Variants in CACNA1S observed in about 807,000 individuals in gnomAD.
CACNA1S encodes calcium voltage-gated channel subunit alpha1 S, also known as voltage-dependent L-type calcium channel subunit alpha-1S.
In CACNA1S, 126 loss-of-function variants were observed where a neutral mutation model predicts 207.4. The observed-to-expected ratio is 0.61, with a 90% confidence interval of 0.53 to 0.70. CACNA1S has a LOEUF of 0.70. Among genes scored for constraint, CACNA1S ranks in the 30% least tolerant of loss-of-function variants. CACNA1S has a pLI of 0.00. For missense variants in CACNA1S, 2,349 were observed against 2,422.8 expected (o/e 0.97, Z 0.64); for synonymous variants, 960 against 932.7 (o/e 1.03, Z -0.53).
rs548502564 is a variant in CACNA1S, at chr1:201,066,519, C to G, written c.2658-203G>C. ...CCACCCCTGCTATCTGGACCATGCT[C>G]TCATGGGTGTGTCATGAAGCAGAAG... On this transcript the variant is annotated intron_variant, in intron 20 of 43. Coordinates refer to ENST00000362061, the MANE Select transcript of CACNA1S (RefSeq NM_000069.3). This position sits in a 1 kb window ranked among gnomAD's most constrained non-coding sequence, Gnocchi z 4.3. 2.0e-5 allele frequency among the ~76,000 whole-genome samples: 3 copies of G among 152,310 alleles called. No homozygotes were observed. Among genetic ancestry groups the G allele is most frequent in the African/African-American group, 4.8e-5 (2 of 41,562 alleles).
intron 24 of CACNA1S, 136 bp downstream of exon 24, chr1:201,061,808 C>T (rs1313940687): frequency 3.0e-6 from 3 of 1,014,728 alleles, no homozygotes; most frequent in East Asian, 2.5e-5. Context: ...ACCATCAAAC[C>T]ATCAGAGAGT....
At chr1:201,050,358 G>T in intron 34 of CACNA1S, 31 bp downstream of exon 34, 1 of 1,613,090 alleles carries the variant, frequency 6.2e-7, no homozygotes, top group Non-Finnish European at 8.5e-7. Flanking sequence ...AGGATGGAGG[G>T]CCCAGCACAG....
At position 201,103,803 on chromosome 1, in the gene CACNA1S, C is replaced by T. The variant is rs115779424; in HGVS notation, c.258+6361G>A. 2.3e-3 allele frequency among the ~76,000 whole-genome samples: 350 copies of T among 152,276 alleles called. 1 individual carries two copies. Among genetic ancestry groups the T allele is most frequent in the African/African-American group, 8.2e-3 (340 of 41,552 alleles). On this transcript the variant is annotated intron_variant, in intron 2 of 43. Coordinates refer to ENST00000362061, the MANE Select transcript of CACNA1S (RefSeq NM_000069.3). ...CAAGAGTTGGCGAGCGCATTCCAGA[C>T]CCTATAAAAAGACAAACGCCCTGGC...
chr1:201,062,549 A>G, intron 22 of CACNA1S, 35 bp from the exon 23 acceptor site: 1 of 1,591,014 alleles, frequency 6.3e-7, no homozygotes, highest in Non-Finnish European at 8.6e-7. Flanking sequence ...GGAGGGAGGC[A>G]TGTTGTCATG....
At position 201,093,741 on chromosome 1, in the gene CACNA1S, C is replaced by T. The variant is rs1572063899; in HGVS notation, c.398+141G>A. On this transcript the variant is annotated intron_variant, in intron 3 of 43. Transcript: ENST00000362061. ...ATGGACAGCTCCCTTGCTGGGCCGGCCTCTAACAGAGGCTGCTCCATGCAG... is the reference window on the plus strand; with the variant it reads ...ATGGACAGCTCCCTTGCTGGGCCGGTCTCTAACAGAGGCTGCTCCATGCAG... The T allele has an allele frequency of 6.7e-6, 7 of 1,037,084 alleles. No individual in the cohort carries two copies. In the East Asian group the frequency reaches 1.7e-4, roughly 26 times the overall value. 64.2% of individuals were successfully genotyped at this position (1,037,084 alleles called of 1,614,324 possible).
intron 9 of CACNA1S, among the ~76,000 whole-genome samples, chr1:201,083,967 T>C (rs1008831628): frequency 5.3e-5 from 8 of 152,156 alleles, no homozygotes; most frequent in Non-Finnish European, 1.2e-4. Context: ...TCCACAACTG[T>C]TCCCTGCAGC....
At chr1:201,047,034 C>A (rs551130075) in intron 38 of CACNA1S, 81 bp downstream of exon 38, 1 of 1,583,600 alleles carries the variant, frequency 6.3e-7, no homozygotes, top group African/African-American at 1.3e-5. Context: ...ATTGGCCCCT[C>A]AAGGACATGG....
Position 201,078,087 on chromosome 1 carries a change from G to T in CACNA1S, c.1411C>A (p.Leu471Met), listed in dbSNP as rs146389514. 1.9e-6 allele frequency: 3 copies of T among 1,614,028 alleles called. No individual in the cohort carries two copies. Among genetic ancestry groups the T allele is most frequent in the Non-Finnish European group, 1.7e-6 (2 of 1,179,962 alleles). ...ATCTCAGTGGTGAAGAGGGACAGCAGCACCCGGTTGGCAATGTCTGTAGGG... is the reference window on the plus strand; with the variant it reads ...ATCTCAGTGGTGAAGAGGGACAGCATCACCCGGTTGGCAATGTCTGTAGGG... Reference protein sequence around the residue: ...TRLQDIANRVLLSLFTTEMLM... With the variant: ...TRLQDIANRVMLSLFTTEMLM... The change falls in exon 11 of 44, where the codon CTG becomes ATG. Residue 471 changes from leucine to methionine, a missense_variant. Coordinates refer to ENST00000362061, the MANE Select transcript of CACNA1S (RefSeq NM_000069.3).
intron 27 of CACNA1S, 45 bp downstream of exon 27, chr1:201,059,144 C>T (rs1660954053): frequency 1.6e-6 from 2 of 1,281,206 alleles, no homozygotes; most frequent in Non-Finnish European, 2.3e-6. Context: ...AGGTCCCACC[C>T]ACCAGCCCCA....
intron 1 of CACNA1S, 123 bp from the exon 2 acceptor site, chr1:201,110,392 G>C: frequency 2.4e-6 from 2 of 835,474 alleles, no homozygotes; most frequent in Non-Finnish European, 4.1e-6. Context: ...CAGGCTCATG[G>C]ACGCTCGCCC....
At chr1:201,109,196 C>T (rs1011075675) in intron 2 of CACNA1S, among the ~76,000 whole-genome samples, 7 of 148,806 alleles carry the variant, frequency 4.7e-5, no homozygotes, top group Non-Finnish European at 7.4e-5. Flanking sequence ...TGCAGTGAGC[C>T]GAGAGCCGAG....
At position 201,085,598 on chromosome 1, in the gene CACNA1S, G is replaced by T. The variant is rs1284655513; in HGVS notation, c.1005-17C>A. The T allele has an allele frequency of 6.2e-7, 1 of 1,613,594 alleles. No homozygotes were observed. Among genetic ancestry groups the T allele is most frequent in the South Asian group, 1.1e-5 (1 of 91,052 alleles). ...GTGAATTCCCTGAAATGAGATGGGG[G>T]AGCCAGGAGAGGAGGAGAAGAGGGA... On this transcript the variant is annotated splice_polypyrimidine_tract_variant and intron_variant, in intron 7 of 43. Coordinates refer to ENST00000362061, the MANE Select transcript of CACNA1S (RefSeq NM_000069.3).
intron 16 of CACNA1S, among the ~76,000 whole-genome samples, chr1:201,071,608 T>A (rs1661437475): frequency 6.6e-6 from 1 of 152,170 alleles, no homozygotes; most frequent in Admixed American, 6.5e-5. Context: ...CTTCCTGCTG[T>A]CCAGCCCACA....
chr1:201,061,878 G>T, intron 24 of CACNA1S, 66 bp downstream of exon 24: 5 of 1,579,798 alleles, frequency 3.2e-6, no homozygotes, highest in Admixed American at 1.7e-5. Flanking sequence ...CTGCAGAAGG[G>T]CAGGCTGGCT....
intron 2 of CACNA1S, among the ~76,000 whole-genome samples, chr1:201,100,819 C>T (rs1329796625): frequency 1.3e-5 from 2 of 151,830 alleles, no homozygotes; most frequent in Non-Finnish European, 2.9e-5. Flanking sequence ...TGGCCACATG[C>T]ATACATTTAA....
intron 13 of CACNA1S, 83 bp from the exon 14 acceptor site, chr1:201,074,703 C>CA: frequency 6.1e-6 from 5 of 824,286 alleles, no homozygotes; most frequent in Non-Finnish European, 2.0e-6. Flanking sequence ...TGCATGTGGG[C>CA]AGGACCTAAC....
chr1:201,083,394 G>T, intron 9 of CACNA1S, 72 bp from the exon 10 acceptor site: 1 of 1,530,304 alleles, frequency 6.5e-7, no homozygotes, highest in Non-Finnish European at 9.1e-7. Context: ...GCTACCTTCA[G>T]ACAAACTCCA....
intron 38 of CACNA1S, among the ~76,000 whole-genome samples, chr1:201,046,795 T>C (rs910258766): frequency 6.6e-6 from 1 of 152,042 alleles, no homozygotes; most frequent in Non-Finnish European, 1.5e-5. Flanking sequence ...TGGCCTCCCA[T>C]AGTGCTGGGA....
At position 201,076,909 on chromosome 1, in the gene CACNA1S, G is replaced by A. The variant is rs764794409; in HGVS notation, c.1827+11C>T. 24 of 1,612,896 alleles carry A rather than the reference G, an allele frequency of 1.5e-5. No homozygotes were observed. The highest frequency in any genetic ancestry group is 2.2e-5 in the East Asian group (1 of 44,880). ...CGTTCAGAAGGAGGGACACGCAGAG[G>A]GAGAGCCTACCTGGAAGACGCTGAT... On this transcript the variant is annotated intron_variant, in intron 12 of 43. Coordinates refer to ENST00000362061, the MANE Select transcript of CACNA1S (RefSeq NM_000069.3).
Sources: gnomAD v4.1 joint callset for allele counts (sites outside exome capture counted in the v4.1 genomes callset) on GRCh38, gnomAD v4.1.1 for gene constraint, Gnocchi (gnomAD v3.1) non-coding constraint, MANE v1.5 for transcripts, NCBI Gene and HGNC (gene_info 2026-07-23, HGNC 2026-07-21) for gene names.